DMD: variants seen among roughly 807,000 people sequenced by gnomAD.
DMD encodes dystrophin, also known as mutant dystrophin.
DMD carries 63 observed loss-of-function variants against 330.1 expected under a neutral mutation model. That is an observed-to-expected ratio of 0.19 (90% CI 0.16 to 0.24). The LOEUF is 0.24. Ranked by LOEUF, DMD falls within the 10% of genes least tolerant of loss-of-function variation. The probability of loss-of-function intolerance (pLI) is 1.00; values close to 1 mark genes in which losing one functional copy is unlikely to be tolerated. For synonymous variants in DMD, 1,223 were observed against 959.8 expected (o/e 1.27, Z -5.07); for missense variants, 3,344 against 2,684.1 (o/e 1.25, Z -5.43).
intron 1 of DMD, among the ~76,000 whole-genome samples, chrX:33,195,887 T>C (rs1216634905): frequency 1.8e-5 from 2 of 111,105 alleles, no homozygotes; most frequent in Non-Finnish European, 3.8e-5. Context: ...GTGTAGTCAT[T>C]CATTTGTGTA....
chrX:32,040,337 CTTCT>C lies in DMD; in HGVS notation c.6439-71827_6439-71824del, dbSNP rs1460190017. Among the ~76,000 whole-genome samples, 7 of 111,707 alleles carry C rather than the reference CTTCT, an allele frequency of 6.3e-5. No homozygotes were observed. The Admixed American group carries it at 6.7e-4, about 11-fold the overall frequency. On this transcript the variant is annotated intron_variant, in intron 44 of 78. Coordinates refer to ENST00000357033, the MANE Select transcript of DMD (RefSeq NM_004006.3). ...AACCAACAATGCCTTCATATTTTTT[CTTCT>C]CTCTCTTCAATCTGTGTTCCCTGAG...
chrX:31,562,301 G>A (rs2075241897), intron 55 of DMD, among the ~76,000 whole-genome samples: 2 of 111,773 alleles, frequency 1.8e-5, no homozygotes, highest in Admixed American at 1.9e-4. Flanking sequence ...TTTCATACTG[G>A]TACTTTTATT....
intron 1 of DMD, among the ~76,000 whole-genome samples, chrX:33,230,973 T>A (rs779221343): frequency 0.019 from 2,129 of 109,402 alleles, 112 homozygotes; most frequent in Admixed American, 0.16. Flanking sequence ...AAAAAAAAAA[T>A]AAATAACAGT....
chrX:33,188,418 G>T (rs1344567732), intron 1 of DMD, among the ~76,000 whole-genome samples: 1 of 110,461 alleles, frequency 9.1e-6, no homozygotes, highest in Non-Finnish European at 1.9e-5. Flanking sequence ...GGTACTTTGT[G>T]GTTACCAGTT....
chrX:31,456,834 ATATGTG>A (rs1354534406), intron 59 of DMD, among the ~76,000 whole-genome samples: 10 of 67,082 alleles, frequency 1.5e-4, no homozygotes, highest in African/African-American at 6.1e-4. Context: ...GTGCCCACAT[ATATGTG>A]TGTGTGTGTG....
chrX:33,049,908 G>T (rs2094436617), intron 1 of DMD, among the ~76,000 whole-genome samples: 1 of 111,097 alleles, frequency 9.0e-6, no homozygotes, highest in African/African-American at 3.3e-5. Context: ...TTCTCAAATT[G>T]GTTCAATAAA....
intron 8 of DMD, among the ~76,000 whole-genome samples, chrX:32,698,738 C>T (rs73621821): frequency 0.012 from 1,344 of 111,626 alleles, 23 homozygotes; most frequent in African/African-American, 0.042. Context: ...TGATTAAAAA[C>T]TGTATTTGCC....
intron 2 of DMD, among the ~76,000 whole-genome samples, chrX:33,008,031 A>T (rs2093430635): frequency 9.0e-6 from 1 of 111,328 alleles, no homozygotes; most frequent in African/African-American, 3.3e-5. Context: ...TGCTAAACCA[A>T]AGAGTAACTT....
rs371733699 is a variant in DMD at position 31,663,514 on chromosome X, C to T, written c.7873-5370G>A. On this transcript the variant is annotated intron_variant, in intron 53 of 78. Coordinates refer to ENST00000357033, the MANE Select transcript of DMD (RefSeq NM_004006.3). ...TGAAAGAAATCTCACAGTAAATGAT[C>T]CTACCTACAATTCCACAGGGGGAAA... 9.8e-5 allele frequency among the ~76,000 whole-genome samples: 11 copies of T among 111,701 alleles called. No individual in the cohort carries two copies. The South Asian group carries it at 4.1e-3, about 42-fold the overall frequency.
chrX:32,811,589 G>A (rs931078615), intron 6 of DMD, among the ~76,000 whole-genome samples: 4 of 111,513 alleles, frequency 3.6e-5, no homozygotes, highest in African/African-American at 6.5e-5. Context: ...TCAACTACAC[G>A]AGAGAATGGA....
At chrX:32,214,712 A>T (rs2097106264) in intron 44 of DMD, among the ~76,000 whole-genome samples, 1 of 111,940 alleles carries the variant, frequency 8.9e-6, no homozygotes, top group Admixed American at 9.5e-5. Context: ...TAAAAGGAAG[A>T]TTCTCAAAAG....
intron 9 of DMD, among the ~76,000 whole-genome samples, chrX:32,695,600 G>A (rs2063591676): frequency 1.8e-5 from 2 of 110,981 alleles, no homozygotes; most frequent in East Asian, 5.6e-4. Context: ...AGACATACTA[G>A]GTTTGAGATA....
intron 63 of DMD, among the ~76,000 whole-genome samples, chrX:31,229,763 C>G (rs971435456): frequency 1.8e-5 from 2 of 112,012 alleles, no homozygotes; most frequent in African/African-American, 6.5e-5. Flanking sequence ...AGTCTCCCCA[C>G]ATACTCCTAT....
chrX:32,292,852 T>C (rs1459103686), intron 42 of DMD, among the ~76,000 whole-genome samples: 1 of 112,361 alleles, frequency 8.9e-6, no homozygotes, highest in East Asian at 2.8e-4. Flanking sequence ...CTACAGATAA[T>C]GTCAGTTGTA....
rs777529066 is a variant in DMD at position 32,926,984 on chromosome X, G to A, written c.94-77164C>T. On this transcript the variant is annotated intron_variant, in intron 2 of 78. Coordinates refer to ENST00000357033, the MANE Select transcript of DMD (RefSeq NM_004006.3). ...CTAGGTTGTTATAAGATCTAAACAT[G>A]GCATCATCTGCAGAGGTCTTGGCTT... 3.6e-5 allele frequency among the ~76,000 whole-genome samples: 4 copies of A among 110,870 alleles called. No homozygotes were observed. In the South Asian group the frequency reaches 1.2e-3, roughly 32 times the overall value.
chrX:31,699,787 A>G (rs951394594), intron 52 of DMD, among the ~76,000 whole-genome samples: 26 of 112,017 alleles, frequency 2.3e-4, no homozygotes, highest in African/African-American at 8.4e-4. Context: ...GTAGAGAAAG[A>G]AGTAAAGTGA....
intron 7 of DMD, among the ~76,000 whole-genome samples, chrX:32,799,952 G>A (rs998723438): frequency 9.0e-6 from 1 of 111,057 alleles, no homozygotes; most frequent in African/African-American, 3.3e-5. Context: ...ACCAGTTAAG[G>A]CCAAAGCATA....
At chrX:31,818,309 A>G (rs959309276) in intron 50 of DMD, among the ~76,000 whole-genome samples, 7 of 112,396 alleles carry the variant, frequency 6.2e-5, no homozygotes, top group African/African-American at 2.3e-4. Context: ...CACCAGTATG[A>G]TGCTCAACAC....
chrX:32,154,640 A>C (rs1273166426), intron 44 of DMD, among the ~76,000 whole-genome samples: 6 of 111,733 alleles, frequency 5.4e-5, no homozygotes, highest in African/African-American at 2.0e-4. Flanking sequence ...TCAGAAAACA[A>C]TCAAGGTTCT....
Sources: gnomAD v4.1 joint callset for allele counts (sites outside exome capture counted in the v4.1 genomes callset) on GRCh38, gnomAD v4.1.1 for gene constraint, MANE v1.5 for transcripts, NCBI Gene and HGNC (gene_info 2026-07-23, HGNC 2026-07-21) for gene names.